DNAH7: variants seen among roughly 807,000 people sequenced by gnomAD.
DNAH7 encodes the protein axonemal beta dynein heavy chain 7.
Under a neutral mutation model 444.6 loss-of-function variants are expected in DNAH7, and 397 were observed. The ratio of observed to expected loss-of-function variants is 0.89; its 90% CI spans 0.82 to 0.97. DNAH7 has a LOEUF of 0.97. DNAH7 is among the 50% of genes least tolerant of loss of function. DNAH7 has a pLI of 0.00. For missense variants in DNAH7, 4,902 were observed against 4,800.8 expected (o/e 1.02, Z -0.62); for synonymous variants, 1,636 against 1,624.4 (o/e 1.01, Z -0.17).
chr2:195,926,224 T>C (rs1232090682), intron 22 of DNAH7, among the ~76,000 whole-genome samples: 1 of 152,202 alleles, frequency 6.6e-6, no homozygotes, highest in Non-Finnish European at 1.5e-5. Flanking sequence ...GATTTAAACA[T>C]AAATTTTGAA....
In DNAH7 at chr2:195,740,865, A is replaced by T. The variant is rs375374960; in HGVS notation, c.11769T>A (p.Val3923=). ...KEYKHPPEDG[V]FIHGLFLDGA... is the part of the protein sequence containing the mutation. Reference sequence around the variant, plus strand: ...CATCCAGAAATAATCCGTGAATGAAAACACCTAAATATAAAAGAAACACAT... The same window carrying T: ...CATCCAGAAATAATCCGTGAATGAATACACCTAAATATAAAAGAAACACAT... Residue 3923 remains valine, a synonymous_variant, in exon 64 of 65, where the codon GTT becomes GTA. Transcript: ENST00000312428. 4.6e-5 allele frequency: 71 copies of T among 1,537,898 alleles called. No homozygotes were observed. Among genetic ancestry groups the T allele is most frequent in the Non-Finnish European group, 5.9e-5 (67 of 1,141,046 alleles).
intron 24 of DNAH7, among the ~76,000 whole-genome samples, chr2:195,911,851 C>T (rs1056666262): frequency 6.6e-6 from 1 of 152,000 alleles, no homozygotes; most frequent in Admixed American, 6.6e-5. Context: ...GAAGACATTG[C>T]CTAGTAAGGG....
intron 40 of DNAH7, among the ~76,000 whole-genome samples, chr2:195,869,319 T>G (rs940414381): frequency 6.6e-6 from 1 of 151,416 alleles, no homozygotes; most frequent in Non-Finnish European, 1.5e-5. Flanking sequence ...TCCCACCTAC[T>G]GTCTCACAAT....
chr2:195,807,994 A>G (rs1342570262), intron 53 of DNAH7, among the ~76,000 whole-genome samples: 1 of 152,170 alleles, frequency 6.6e-6, no homozygotes, highest in Non-Finnish European at 1.5e-5. Context: ...CAAACAAAAC[A>G]TACTCTCTGC....
chr2:195,876,474 A>G (rs1020926742), intron 37 of DNAH7, 70 bp downstream of exon 37: 2 of 1,421,966 alleles, frequency 1.4e-6, no homozygotes, highest in African/African-American at 2.9e-5. Context: ...TCCCCAGGAT[A>G]TTTGGTTTCC....
chr2:196,001,715 A>G lies in DNAH7; in HGVS notation c.1133T>C (p.Val378Ala), dbSNP rs200845593. The G allele has an allele frequency of 1.2e-4, 190 of 1,596,528 alleles. No individual in the cohort carries two copies. The highest frequency in any genetic ancestry group is 1.5e-4 in the Non-Finnish European group (177 of 1,172,014). ...TAAGTCCGTGAAATCTTGCATGGAGACTAAAGTGAGGTCCTGCAGCTGTAA... is the reference window on the plus strand; with the variant it reads ...TAAGTCCGTGAAATCTTGCATGGAGGCTAAAGTGAGGTCCTGCAGCTGTAA... ...MTLQLQDLTL[V>A]SMQDFTDLIA... Residue 378 changes from valine (V) to alanine (A), a missense_variant, in exon 11 of 65, where the codon GTC (valine) becomes GCC (alanine). Transcript: ENST00000312428.
Position 195,998,315 on chromosome 2 carries a change from C to T in DNAH7, c.1353+2389G>A, listed in dbSNP as rs1693824803. Among the ~76,000 whole-genome samples, 3 of 152,250 alleles carry T rather than the reference C, an allele frequency of 2.0e-5. No individual in the cohort carries two copies. The South Asian group carries it at 6.2e-4, about 32-fold the overall frequency. On this transcript the variant is annotated intron_variant, in intron 12 of 64. Transcript: ENST00000312428. ...TATGGCTGGGTGCGGTGGCTCATGC[C>T]TATAATCCCAGCACTTTGGGAGGCA... is the stretch of plus-strand genomic sequence containing the variant.
chr2:195,851,996 C>G (rs1029251433), intron 46 of DNAH7, among the ~76,000 whole-genome samples: 1 of 152,088 alleles, frequency 6.6e-6, no homozygotes, highest in African/African-American at 2.4e-5. Flanking sequence ...CGGTGGCTCA[C>G]GCCTGTAATC....
At chr2:195,826,949 AAAG>A (rs1382443708) in intron 48 of DNAH7, among the ~76,000 whole-genome samples, 1 of 152,198 alleles carries the variant, frequency 6.6e-6, no homozygotes, top group Non-Finnish European at 1.5e-5. Flanking sequence ...TAGAAAAAAA[AAAG>A]AAGAAATATC....
At chr2:196,061,635 A>C (rs1237954315) in intron 1 of DNAH7, among the ~76,000 whole-genome samples, 1 of 152,158 alleles carries the variant, frequency 6.6e-6, no homozygotes, top group Non-Finnish European at 1.5e-5. Flanking sequence ...CCTGGATCCA[A>C]CATCTCACAA....
intron 1 of DNAH7, chr2:196,068,226 C>T: frequency 5.9e-6 from 1 of 168,232 alleles, no homozygotes; most frequent in East Asian, 1.7e-4. Context: ...TGACAACAAC[C>T]TCAAAAAGAA....
intron 19 of DNAH7, among the ~76,000 whole-genome samples, chr2:195,939,624 T>C (rs373547932): frequency 6.6e-6 from 1 of 152,146 alleles, no homozygotes; most frequent in African/African-American, 2.4e-5. Context: ...GGGGAAGAAT[T>C]GAATTATTAA....
chr2:195,998,247 G>GT (rs1284651782), intron 12 of DNAH7, among the ~76,000 whole-genome samples: 1 of 152,096 alleles, frequency 6.6e-6, no homozygotes, highest in African/African-American at 2.4e-5. Context: ...TTTTATAACT[G>GT]TAACACTATA....
At chr2:195,839,940 G>A (rs72915135) in intron 47 of DNAH7, among the ~76,000 whole-genome samples, 6,604 of 151,718 alleles carry the variant, frequency 0.044, 217 homozygotes, top group Non-Finnish European at 0.065. Context: ...AAACATTTAA[G>A]AAAGAAATAA....
chr2:195,960,273 C>A lies in DNAH7; in HGVS notation c.2878G>T (p.Glu960Ter). The change falls in exon 18 of 65, where the codon GAA becomes TAA. Residue 960 changes from glutamate (E) to a stop codon, truncating the protein, a stop_gained. Coordinates refer to ENST00000312428, the MANE Select transcript of DNAH7 (RefSeq NM_018897.3). LOFTEE classifies it high-confidence loss of function. ...MRGSPFIKPY[E>*]KQMREWEGKL... The stretch of plus-strand genomic sequence containing the variant: ...ATATCACTTTACCTCATTTGTTTTT[C>A]ATAAGGCTTAATGAAAGGAGATCCT... 1.9e-6 allele frequency: 3 copies of A among 1,605,500 alleles called. No individual in the cohort carries two copies. The highest frequency in any genetic ancestry group is 2.6e-6 in the Non-Finnish European group (3 of 1,175,796).
rs146321981 is a variant in DNAH7 at position 195,777,832 on chromosome 2, T to C, written c.11032A>G (p.Ser3678Gly). The C allele has an allele frequency of 9.9e-6, 16 of 1,613,822 alleles. No homozygotes were observed. Among genetic ancestry groups the C allele is most frequent in the East Asian group, 4.5e-5 (2 of 44,880 alleles). Reference sequence around the variant, plus strand: ...GAAGGAGGAACAAAATAGATGCCACTTGAGTCGAACTTATAGTCTGAATTT... The same window carrying C: ...GAAGGAGGAACAAAATAGATGCCACCTGAGTCGAACTTATAGTCTGAATTT... The part of the protein sequence containing the change: ...VENSDYKFDS[S>G]GIYFVPPSGD... The change falls in exon 59 of 65, where the codon AGT becomes GGT. Residue 3678 changes from serine (S) to glycine (G), a missense_variant. Transcript: ENST00000312428.
intron 10 of DNAH7, among the ~76,000 whole-genome samples, chr2:196,003,392 T>C (rs1049841528): frequency 3.9e-5 from 6 of 152,130 alleles, no homozygotes; most frequent in Admixed American, 3.9e-4. Flanking sequence ...ACAAATACGA[T>C]GTATTTTAAA....
chr2:195,989,882 C>T (rs1693184599), intron 12 of DNAH7, among the ~76,000 whole-genome samples: 1 of 152,274 alleles, frequency 6.6e-6, no homozygotes, highest in African/African-American at 2.4e-5. Context: ...GAAGCAGATG[C>T]AAGCATTATG....
At chr2:195,829,295 T>G (rs530211905) in intron 48 of DNAH7, among the ~76,000 whole-genome samples, 31 of 152,182 alleles carry the variant, frequency 2.0e-4, no homozygotes, top group Admixed American at 5.2e-4. Flanking sequence ...CTAGATGAGG[T>G]ATATTGTTTA....
Sources: allele counts gnomAD v4.1 joint callset (sites outside exome capture counted in the v4.1 genomes callset), GRCh38; gene constraint gnomAD v4.1.1; transcripts MANE v1.5; gene names NCBI Gene and HGNC (gene_info 2026-07-23, HGNC 2026-07-21).